POFUT3: variants seen among roughly 807,000 people sequenced by gnomAD.
POFUT3 encodes GDP-fucose protein O-fucosyltransferase 3.
chr8:33,449,407 A>G, the POFUT3 span, among the ~76,000 whole-genome samples: 5 of 144,716 alleles, frequency 3.5e-5, no homozygotes, highest in Non-Finnish European at 4.5e-5. Flanking sequence ...CTTGTGCCTC[A>G]GCCTACTGAG....
chr8:33,398,062 T>G, the POFUT3 span, among the ~76,000 whole-genome samples: 1 of 152,140 alleles, frequency 6.6e-6, no homozygotes, highest in African/African-American at 2.4e-5. Context: ...CAATATTCAA[T>G]CTAGACTAAC....
chr8:33,330,675 C>G, the POFUT3 span, among the ~76,000 whole-genome samples: 135 of 152,316 alleles, frequency 8.9e-4, no homozygotes, highest in African/African-American at 3.2e-3. Flanking sequence ...TTGGGAACCA[C>G]TTTGCACAGC....
the POFUT3 span, chr8:33,461,788 G>T: frequency 1.7e-6 from 1 of 592,450 alleles, no homozygotes; most frequent in Non-Finnish European, 2.6e-6. Context: ...TTGCAGCAGG[G>T]TGATCATGAA....
the POFUT3 span, among the ~76,000 whole-genome samples, chr8:33,432,947 A>C: frequency 4.9e-4 from 74 of 152,258 alleles, no homozygotes; most frequent in South Asian, 1.0e-3. Flanking sequence ...AAAATCATTC[A>C]TTGAGGCCAG....
the POFUT3 span, chr8:33,453,348 GGTAGC>G: frequency 6.2e-7 from 1 of 1,614,142 alleles, no homozygotes; most frequent in Non-Finnish European, 8.5e-7. Flanking sequence ...AGCATAATGG[GGTAGC>G]TGTCCAATTC....
chr8:33,335,426 G>T, the POFUT3 span, among the ~76,000 whole-genome samples: 2 of 152,170 alleles, frequency 1.3e-5, no homozygotes, highest in Admixed American at 6.5e-5. Context: ...TTGATGACAT[G>T]AATGTAATTC....
chr8:33,395,203 C>T, the POFUT3 span, among the ~76,000 whole-genome samples: 4 of 152,134 alleles, frequency 2.6e-5, no homozygotes, highest in Non-Finnish European at 4.4e-5. Context: ...CCTGGACCCT[C>T]GGCCCTAAAT....
At chr8:33,312,211 G>A in the POFUT3 span, among the ~76,000 whole-genome samples, 56 of 151,642 alleles carry the variant, frequency 3.7e-4, 1 homozygote, top group South Asian at 0.011. Flanking sequence ...GCAGTTAGCT[G>A]AGATTGCACC....
the POFUT3 span, among the ~76,000 whole-genome samples, chr8:33,388,011 T>C: frequency 6.6e-6 from 1 of 152,182 alleles, no homozygotes; most frequent in African/African-American, 2.4e-5. Flanking sequence ...ATTCCCATTA[T>C]AAACAAATAA....
the POFUT3 span, among the ~76,000 whole-genome samples, chr8:33,317,993 A>G: frequency 2.6e-5 from 4 of 152,144 alleles, no homozygotes; most frequent in African/African-American, 9.7e-5. Flanking sequence ...CTTTCAAACA[A>G]ATGTCTGGTG....
At chr8:33,332,163 AGAG>A in the POFUT3 span, among the ~76,000 whole-genome samples, 326 of 145,166 alleles carry the variant, frequency 2.2e-3, 1 homozygote, top group South Asian at 4.6e-3. Flanking sequence ...AAGAAGAAGA[AGAG>A]GAGGAGGAGG....
chr8:33,421,436 A>G, the POFUT3 span, among the ~76,000 whole-genome samples: 3 of 151,896 alleles, frequency 2.0e-5, no homozygotes. Context: ...TTAGGATATG[A>G]CCTACGACCC....
the POFUT3 span, among the ~76,000 whole-genome samples, chr8:33,337,341 C>G: frequency 1.3e-5 from 2 of 152,162 alleles, no homozygotes; most frequent in Non-Finnish European, 2.9e-5. Context: ...AAGTACTTCT[C>G]CATAGTCCTT....
chr8:33,312,733 C>G, the POFUT3 span, among the ~76,000 whole-genome samples: 1 of 152,084 alleles, frequency 6.6e-6, no homozygotes, highest in Non-Finnish European at 1.5e-5. Flanking sequence ...TAGCTCAGAG[C>G]CATACCTTTT....
At chr8:33,420,246 AAC>A in the POFUT3 span, among the ~76,000 whole-genome samples, 1 of 152,254 alleles carries the variant, frequency 6.6e-6, no homozygotes, top group East Asian at 1.9e-4. Flanking sequence ...AATAAAAACT[AAC>A]AAAAATTTAA....
the POFUT3 span, among the ~76,000 whole-genome samples, chr8:33,335,063 C>T: frequency 6.6e-6 from 1 of 151,938 alleles, no homozygotes; most frequent in African/African-American, 2.4e-5. Flanking sequence ...AAAAATAAGG[C>T]ATCTGAAATG....
the POFUT3 span, among the ~76,000 whole-genome samples, chr8:33,403,298 CAG>C: frequency 6.6e-6 from 1 of 150,394 alleles, no homozygotes; most frequent in African/African-American, 2.4e-5. Flanking sequence ...GTATGAGAGA[CAG>C]TGTGTGGACT....
chr8:33,370,697 A>T, the POFUT3 span: 3 of 152,230 alleles, frequency 2.0e-5, no homozygotes, highest in African/African-American at 7.2e-5. Context: ...CACAGCACAT[A>T]AGCACTGGGT....
the POFUT3 span, among the ~76,000 whole-genome samples, chr8:33,394,052 G>A: frequency 6.6e-6 from 1 of 152,050 alleles, no homozygotes; most frequent in African/African-American, 2.4e-5. Context: ...GGATGTGATG[G>A]TGCACACCTA....
Sources: gnomAD v4.1 joint callset for allele counts (sites outside exome capture counted in the v4.1 genomes callset) on GRCh38, gnomAD v4.1.1 for gene constraint, MANE v1.5 for transcripts, NCBI Gene and HGNC (gene_info 2026-07-23, HGNC 2026-07-21) for gene names.